Variants in PTP4A3 observed in about 807,000 individuals in gnomAD.
PTP4A3 encodes protein tyrosine phosphatase type IVA 3.
A neutral mutation model predicts 15.2 loss-of-function variants in PTP4A3; 9 were observed. That is an observed-to-expected ratio of 0.59 (90% confidence interval 0.36 to 1.03). PTP4A3 has a LOEUF of 1.03. PTP4A3 is among the 50% of genes least tolerant of loss of function. The pLI is 0.02. For synonymous variants in PTP4A3, 95 were observed against 102.0 expected, an observed-to-expected ratio of 0.93 and a Z score of 0.41; for missense variants, 234 against 252.1, an observed-to-expected ratio of 0.93 and a Z score of 0.49.
rs548072265 is a variant in PTP4A3 at position 141,406,520 on chromosome 8, C to T, written c.-854+14436C>T. Among the ~76,000 whole-genome samples the T allele has an allele frequency of 2.8e-4, 43 of 152,240 alleles. No individual in the cohort carries two copies. Among genetic ancestry groups the T allele is most frequent in the African/African-American group, 8.4e-4 (35 of 41,526 alleles). On this transcript the variant is annotated intron_variant, in intron 1 of 5. Coordinates refer to ENST00000521578, the MANE Select transcript of PTP4A3 (RefSeq NM_032611.3). The surrounding 1 kb of genome is among the most constrained non-coding windows in gnomAD (Gnocchi z 4.5). ...CTGCCTCTGGCCCTTGCTCAAGCCG[C>T]GCCCCCATCTGGATGCCCACTTCTT...
chr8:141,412,391 G>A (rs1376951256), intron 1 of PTP4A3, among the ~76,000 whole-genome samples: 2 of 152,212 alleles, frequency 1.3e-5, no homozygotes, highest in African/African-American at 2.4e-5. Context: ...CCCTGCTAGA[G>A]GGCAGAACTC....
At chr8:141,401,717 G>A (rs1832594111) in intron 1 of PTP4A3, among the ~76,000 whole-genome samples, 1 of 152,230 alleles carries the variant, frequency 6.6e-6, no homozygotes, top group Admixed American at 6.5e-5. Context: ...TCGGCTCAGA[G>A]GTCTGTGCTG....
At chr8:141,430,093 A>C (rs79073872) in intron 5 of PTP4A3, among the ~76,000 whole-genome samples, 2,578 of 31,816 alleles carry the variant, frequency 0.081, 2 homozygotes, top group Non-Finnish European at 0.12. Context: ...TGTAAGGACC[A>C]GGTGGCGGGG....
At position 141,426,923 on chromosome 8, in the gene PTP4A3, C is replaced by G. The variant is rs150036542; in HGVS notation, c.199-16C>G. ...CTCCCTCAGCCGGGGGTCCTCATGT[C>G]TGCTTCCCTCCGTAGGACTGGCCGT... is the stretch of plus-strand genomic sequence containing the variant. On this transcript the variant is annotated splice_polypyrimidine_tract_variant and intron_variant, in intron 3 of 5. Transcript: ENST00000521578. 9.3e-6 allele frequency: 15 copies of G among 1,610,048 alleles called. No individual in the cohort carries two copies. In the African/African-American group the frequency reaches 1.6e-4, roughly 17 times the overall value.
In PTP4A3 at chr8:141,407,715, C is replaced by T. The variant is rs548549761; in HGVS notation, c.-853-13673C>T. Among the ~76,000 whole-genome samples the T allele has an allele frequency of 6.6e-5, 10 of 152,066 alleles. No individual in the cohort carries two copies. The East Asian group carries it at 1.2e-3, about 18-fold the overall frequency. ...CCAAGTAGATGGGATTACAGGTGCC[C>T]GCCACCACACCCAGCTAATTTTTGT... On this transcript the variant is annotated intron_variant, in intron 1 of 5. Coordinates refer to ENST00000521578, the MANE Select transcript of PTP4A3 (RefSeq NM_032611.3).
chr8:141,410,594 G>C (rs370193856), intron 1 of PTP4A3, among the ~76,000 whole-genome samples: 1 of 152,232 alleles, frequency 6.6e-6, no homozygotes, highest in Non-Finnish European at 1.5e-5. Context: ...ATGTCCCTCA[G>C]ATCCCAGGAG....
At chr8:141,414,504 G>T (rs1832962287) in intron 1 of PTP4A3, among the ~76,000 whole-genome samples, 2 of 152,136 alleles carry the variant, frequency 1.3e-5, no homozygotes, top group African/African-American at 4.8e-5. Context: ...CGTGGGAGCA[G>T]CAGCCTGGTG....
chr8:141,404,291 G>T (rs1038030865), intron 1 of PTP4A3, among the ~76,000 whole-genome samples: 2 of 152,266 alleles, frequency 1.3e-5, no homozygotes, highest in Admixed American at 6.5e-5. Context: ...GATGGTGCAG[G>T]ACAAGGTGGG....
chr8:141,427,736 C>T lies in PTP4A3; in HGVS notation c.330-14C>T. 1 of 1,548,742 alleles carries T rather than the reference C, an allele frequency of 6.5e-7. No individual in the cohort carries two copies. Among genetic ancestry groups the T allele is most frequent in the East Asian group, 2.4e-5 (1 of 40,878 alleles). On this transcript the variant is annotated splice_polypyrimidine_tract_variant and intron_variant, in intron 4 of 5. Coordinates refer to ENST00000521578, the MANE Select transcript of PTP4A3 (RefSeq NM_032611.3). ...GCAGGCTCCGATGACCCCCGCCCTG[C>T]TGTTTGCCCCCAGGGCTCCAGTCCT...
Position 141,430,953 on chromosome 8 carries a change from AG to A in PTP4A3, c.432del (p.Lys144AsnfsTer42). ...AAGCGCCGCGGAGCCATCAACAGCA[AG>A]CAGCTCACCTACCTGGAGAAATACC... The part of the protein sequence containing the change: ...RQKRRGAINS[K>X]QLTYLEKYRP... On this transcript the variant is annotated frameshift_variant, in exon 6 of 6. Coordinates refer to ENST00000521578, the MANE Select transcript of PTP4A3 (RefSeq NM_032611.3). LOFTEE classifies it high-confidence loss of function. 2 of 1,613,292 alleles carry A rather than the reference AG, an allele frequency of 1.2e-6. No homozygotes were observed. The highest frequency in any genetic ancestry group is 1.7e-6 in the Non-Finnish European group (2 of 1,179,958).
At chr8:141,417,029 G>A (rs1833083797) in intron 1 of PTP4A3, among the ~76,000 whole-genome samples, 1 of 152,170 alleles carries the variant, frequency 6.6e-6, no homozygotes. Flanking sequence ...GGCACAGAGT[G>A]GGTGGTGATG....
intron 1 of PTP4A3, among the ~76,000 whole-genome samples, chr8:141,395,119 C>G (rs1296036039): frequency 1.3e-5 from 2 of 152,188 alleles, no homozygotes; most frequent in African/African-American, 4.8e-5. Context: ...CGAGCGGGAT[C>G]AGGGCTACGT....
chr8:141,397,369 C>CG (rs1264952757), intron 1 of PTP4A3, among the ~76,000 whole-genome samples: 3 of 143,030 alleles, frequency 2.1e-5, no homozygotes, highest in Non-Finnish European at 4.6e-5. Flanking sequence ...ATGGAGCCCC[C>CG]GGGTGGGCTG....
rs960894987 is a variant in PTP4A3, at chr8:141,406,841, A to G, written c.-853-14547A>G. 1.3e-5 allele frequency among the ~76,000 whole-genome samples: 2 copies of G among 152,154 alleles called. No homozygotes were observed. The highest frequency in any genetic ancestry group is 2.9e-5 in the Non-Finnish European group (2 of 68,036). ...GCTTTGCCTCCTGCTGTTCCCACTG[A>G]GCGAATTAAATAAGTCTTTGCCCTG... On this transcript the variant is annotated intron_variant, in intron 1 of 5. Coordinates refer to ENST00000521578, the MANE Select transcript of PTP4A3 (RefSeq NM_032611.3). The surrounding 1 kb of genome is among the most constrained non-coding windows in gnomAD (Gnocchi z 4.5).
intron 1 of PTP4A3, among the ~76,000 whole-genome samples, chr8:141,403,883 G>A (rs972519897): frequency 6.6e-6 from 1 of 152,246 alleles, no homozygotes; most frequent in South Asian, 2.1e-4. Flanking sequence ...TCTATTTGAC[G>A]AATTTTTATT....
chr8:141,405,899 G>T (rs193001683), intron 1 of PTP4A3, among the ~76,000 whole-genome samples: 182 of 152,288 alleles, frequency 1.2e-3, no homozygotes, highest in Middle Eastern at 3.4e-3. Flanking sequence ...GGGCTCGGAG[G>T]CAGGACTGTG....
rs1832721903 is a variant in PTP4A3, at chr8:141,406,335, TGGAG to T, written c.-854+14253_-854+14256del. 6.6e-6 allele frequency among the ~76,000 whole-genome samples: 1 copy of T among 152,084 alleles called. No homozygotes were observed. Among genetic ancestry groups the T allele is most frequent in the African/African-American group, 2.4e-5 (1 of 41,410 alleles). On this transcript the variant is annotated intron_variant, in intron 1 of 5. Coordinates refer to ENST00000521578, the MANE Select transcript of PTP4A3 (RefSeq NM_032611.3). The surrounding 1 kb of genome is among the most constrained non-coding windows in gnomAD (Gnocchi z 4.5). ...TGTGATGTGCCTGGACTGGGGATTG[TGGAG>T]GCCTGTCCGTGCCCTGAAGCACTTC...
At chr8:141,429,361 C>T (rs900603169) in intron 5 of PTP4A3, among the ~76,000 whole-genome samples, 7 of 152,258 alleles carry the variant, frequency 4.6e-5, no homozygotes, top group Non-Finnish European at 8.8e-5. Flanking sequence ...CCTCCAGAGG[C>T]GCTGGGTGGG....
chr8:141,430,395 C>T (rs1171078161), intron 5 of PTP4A3, among the ~76,000 whole-genome samples: 7 of 150,246 alleles, frequency 4.7e-5, no homozygotes, highest in South Asian at 4.2e-4. Context: ...CCCACGTCCC[C>T]GCTGTAAGGA....
Sources: allele counts gnomAD v4.1 joint callset (sites outside exome capture counted in the v4.1 genomes callset), GRCh38; gene constraint gnomAD v4.1.1; non-coding constraint Gnocchi (gnomAD v3.1); transcripts MANE v1.5; gene names NCBI Gene and HGNC (gene_info 2026-07-23, HGNC 2026-07-21).